The following TRMT9B variants were observed in gnomAD, a reference collection of about 807,000 sequenced individuals.
The protein encoded by TRMT9B is tRNA methyltransferase 9B (putative), also known as probable tRNA methyltransferase 9B.
TRMT9B carries 16 observed loss-of-function variants against 11.5 expected under a neutral mutation model. The ratio of observed to expected loss-of-function variants is 1.39; its 90% CI spans 0.94 to 2.11. The LOEUF (loss-of-function observed/expected upper bound fraction) is 2.11. TRMT9B is among the 30% of genes most tolerant of loss of function. The probability of loss-of-function intolerance (pLI) is 0.00; values close to 1 mark genes in which losing one functional copy is unlikely to be tolerated. For missense variants in TRMT9B, 941 were observed against 553.8 expected (o/e 1.70, Z -7.02); for synonymous variants, 274 against 192.4 (o/e 1.42, Z -3.51).
At chr8:12,955,148 G>A (rs942433058) in intron 1 of TRMT9B, among the ~76,000 whole-genome samples, 3 of 152,136 alleles carry the variant, frequency 2.0e-5, no homozygotes, top group African/African-American at 7.2e-5. Flanking sequence ...CCCCATCTGG[G>A]TATACTGAAT....
intron 1 of TRMT9B, among the ~76,000 whole-genome samples, chr8:12,964,095 G>A (rs2466248): frequency 0.061 from 9,357 of 152,192 alleles, 522 homozygotes; most frequent in African/African-American, 0.15. Context: ...TAAAACAGAG[G>A]TTTTATGATC....
At chr8:13,011,124 T>A (rs1291221200) in intron 3 of TRMT9B, 1 of 320,524 alleles carries the variant, frequency 3.1e-6, no homozygotes, top group East Asian at 1.7e-4. Context: ...GTAACTGGGA[T>A]TACAGGTACC....
At chr8:12,952,741 G>T (rs759331385) in intron 1 of TRMT9B, 706 of 940,132 alleles carry the variant, frequency 7.5e-4, no homozygotes, top group Non-Finnish European at 8.0e-4. Context: ...TATGTGTGGG[G>T]TTTTTTTTGT....
intron 1 of TRMT9B, among the ~76,000 whole-genome samples, chr8:12,953,538 G>C (rs961724279): frequency 2.6e-5 from 4 of 152,100 alleles, no homozygotes; most frequent in Non-Finnish European, 5.9e-5. Flanking sequence ...TTTTAGTAGA[G>C]AGGGGGATTT....
chr8:12,969,645 A>T (rs1197057082), intron 1 of TRMT9B, among the ~76,000 whole-genome samples: 2 of 151,184 alleles, frequency 1.3e-5, no homozygotes, highest in African/African-American at 2.4e-5. Flanking sequence ...TTTCTTTTTT[A>T]AAAATTCTCT....
chr8:13,004,737 T>TC (rs1810106914), intron 2 of TRMT9B, among the ~76,000 whole-genome samples: 1 of 152,014 alleles, frequency 6.6e-6, no homozygotes, highest in Non-Finnish European at 1.5e-5. Flanking sequence ...CTTAGCACAT[T>TC]CCCATCTGTG....
At chr8:12,994,623 G>C (rs1051410787) in intron 2 of TRMT9B, among the ~76,000 whole-genome samples, 3 of 152,154 alleles carry the variant, frequency 2.0e-5, no homozygotes, top group African/African-American at 4.8e-5. Flanking sequence ...GTCCACCTTT[G>C]GGGAACCCTT....
intron 2 of TRMT9B, among the ~76,000 whole-genome samples, chr8:12,997,084 T>C (rs1395109199): frequency 6.6e-6 from 1 of 152,126 alleles, no homozygotes; most frequent in Non-Finnish European, 1.5e-5. Context: ...GTGTATTCTT[T>C]TGTGGACTTC....
Position 12,996,801 on chromosome 8 carries a change from C to G in TRMT9B, c.-2+5770C>G, listed in dbSNP as rs117154114. ...TGAGCGCCCTCATGTAACCCGAGCCCAGATCAAGAAACAGAACATTATCAG... is the reference window on the plus strand; with the variant it reads ...TGAGCGCCCTCATGTAACCCGAGCCGAGATCAAGAAACAGAACATTATCAG... On this transcript the variant is annotated intron_variant, in intron 2 of 4. Coordinates refer to ENST00000524591, the MANE Select transcript of TRMT9B (RefSeq NM_020844.3). 5.9e-5 allele frequency among the ~76,000 whole-genome samples: 9 copies of G among 152,158 alleles called. No individual in the cohort carries two copies. The East Asian group carries it at 1.7e-3, about 29-fold the overall frequency.
chr8:13,015,619 G>A (rs1812505390), intron 4 of TRMT9B, among the ~76,000 whole-genome samples: 1 of 152,112 alleles, frequency 6.6e-6, no homozygotes. Context: ...CTCCCAAAGT[G>A]TTGTGATTAC....
At chr8:13,014,541 A>G (rs1427161698) in intron 4 of TRMT9B, among the ~76,000 whole-genome samples, 2 of 152,134 alleles carry the variant, frequency 1.3e-5, no homozygotes, top group Non-Finnish European at 2.9e-5. Flanking sequence ...TAAGCCCATA[A>G]TGGGGGCCCC....
At chr8:12,997,258 AT>A (rs2128882766) in intron 2 of TRMT9B, among the ~76,000 whole-genome samples, 1 of 151,716 alleles carries the variant, frequency 6.6e-6, no homozygotes, top group African/African-American at 2.4e-5. Flanking sequence ...CCTTATGGTA[AT>A]GGGTGACTTC....
intron 1 of TRMT9B, among the ~76,000 whole-genome samples, chr8:12,949,608 G>T (rs147107333): frequency 1.3e-3 from 201 of 152,236 alleles, no homozygotes; most frequent in African/African-American, 4.4e-3. Flanking sequence ...CAAGAAAGAA[G>T]TTGGTAACTC....
In TRMT9B at chr8:13,021,017, A is replaced by G. The variant is rs776137849; in HGVS notation, c.338A>G (p.His113Arg). ...DAIISIGVIH[H>R]FSTKQRRIRA... Reference sequence around the variant, plus strand: ...GTTTTGTCTTTTTCAGTCATACATCATTTTTCTACAAAACAAAGAAGAATC... The same window carrying G: ...GTTTTGTCTTTTTCAGTCATACATCGTTTTTCTACAAAACAAAGAAGAATC... Residue 113 changes from histidine (H) to arginine (R), a missense_variant, in exon 5 of 5, where the codon CAT becomes CGT. Coordinates refer to ENST00000524591, the MANE Select transcript of TRMT9B (RefSeq NM_020844.3). 5 of 1,543,788 alleles carry G rather than the reference A, an allele frequency of 3.2e-6. No homozygotes were observed. Among genetic ancestry groups the G allele is most frequent in the East Asian group, 2.3e-5 (1 of 43,416 alleles).
chr8:13,005,040 C>G (rs999602937), intron 2 of TRMT9B, among the ~76,000 whole-genome samples: 1 of 148,874 alleles, frequency 6.7e-6, no homozygotes, highest in African/African-American at 2.5e-5. Flanking sequence ...GAGCCGAGAT[C>G]ATGCCACTGC....
chr8:13,013,756 G>T (rs549056501), intron 4 of TRMT9B, among the ~76,000 whole-genome samples: 2 of 152,216 alleles, frequency 1.3e-5, no homozygotes, highest in South Asian at 4.1e-4. Context: ...ATCGAGACCA[G>T]CCTGGCCAAC....
intron 2 of TRMT9B, 149 bp from the exon 3 acceptor site, chr8:13,006,053 G>T (rs1810394809): frequency 2.9e-6 from 2 of 679,238 alleles, no homozygotes; most frequent in Non-Finnish European, 2.4e-6. Flanking sequence ...TATAGTGAAG[G>T]TATTGTTCTT....
rs779734134 is a variant in TRMT9B at position 13,021,844 on chromosome 8, C to T, written c.1165C>T (p.Pro389Ser). ...TGCAGTTGATTCCACAGATTTCAAC[C>T]CAGATGATACAATGTCTGTCGAAGA... ...ISAVDSTDFN[P>S]DDTMSVEDPQ... Residue 389 changes from proline (P) to serine (S), a missense_variant, in exon 5 of 5, where the codon CCA (proline) becomes TCA (serine). Coordinates refer to ENST00000524591, the MANE Select transcript of TRMT9B (RefSeq NM_020844.3). 11 of 1,613,636 alleles carry T rather than the reference C, an allele frequency of 6.8e-6. No homozygotes were observed. The highest frequency in any genetic ancestry group is 9.3e-6 in the Non-Finnish European group (11 of 1,179,740).
In TRMT9B at chr8:12,969,399, A is replaced by C. The variant is rs183392953; in HGVS notation, c.-199-21435A>C. On this transcript the variant is annotated intron_variant, in intron 1 of 4. Coordinates refer to ENST00000524591, the MANE Select transcript of TRMT9B (RefSeq NM_020844.3). ...CAATTGCACCCAGTCACTCCTTTGC[A>C]TCCAAAGGGGATTGGTTCCAGGACC... Among the ~76,000 whole-genome samples the C allele has an allele frequency of 2.6e-3, 391 of 152,216 alleles. 2 individuals carry two copies. The highest frequency in any genetic ancestry group is 4.6e-3 in the Admixed American group (71 of 15,298).
Sources: allele counts gnomAD v4.1 joint callset (sites outside exome capture counted in the v4.1 genomes callset), GRCh38; gene constraint gnomAD v4.1.1; transcripts MANE v1.5; gene names NCBI Gene and HGNC (gene_info 2026-07-23, HGNC 2026-07-21).